Variants in CAMTA1 observed in about 807,000 individuals in gnomAD.
CAMTA1 encodes calmodulin-binding transcription activator 1.
In CAMTA1, 27 loss-of-function variants were observed where a neutral mutation model predicts 170.9. That is an observed-to-expected ratio of 0.16 (90% CI 0.12 to 0.22). The LOEUF is 0.22. CAMTA1 is among the 10% of genes least tolerant of loss of function. The probability of loss-of-function intolerance (pLI) is 1.00; values close to 1 mark genes in which losing one functional copy is unlikely to be tolerated. For missense variants in CAMTA1, 1,619 were observed against 2,217.2 expected (o/e 0.73, Z 5.42); for synonymous variants, 833 against 891.5 (o/e 0.93, Z 1.17).
intron 3 of CAMTA1, among the ~76,000 whole-genome samples, chr1:6,861,303 T>G (rs1019749235): frequency 6.6e-6 from 1 of 152,216 alleles, no homozygotes; most frequent in African/African-American, 2.4e-5. Flanking sequence ...ACATCTCTGT[T>G]ACTGGTTTCA....
At position 7,664,270 on chromosome 1, in the gene CAMTA1, C is replaced by G; in HGVS notation, c.1723C>G (p.Leu575Val). ...GSSLLPSGGG[L>V]SPSTTLEQMD... ...CAGCCTCCTGCCGTCGGGCGGCGGC[C>G]TGAGTCCCAGCACCACCCTGGAGCA... The change falls in exon 9 of 23, where the codon CTG becomes GTG. Residue 575 changes from leucine to valine, a missense_variant. By Grantham distance (32) the Leu-to-Val change is conservative. This residue lies in a region of CAMTA1 where 731 missense variants were observed against 907.6 expected (regional missense o/e 0.81). Coordinates refer to ENST00000303635, the MANE Select transcript of CAMTA1 (RefSeq NM_015215.4). 6.2e-7 allele frequency: 1 copy of G among 1,612,748 alleles called. No homozygotes were observed. The highest frequency in any genetic ancestry group is 8.5e-7 in the Non-Finnish European group (1 of 1,179,896).
At chr1:7,552,928 A>G (rs1374609454) in intron 6 of CAMTA1, among the ~76,000 whole-genome samples, 3 of 152,220 alleles carry the variant, frequency 2.0e-5, no homozygotes, top group African/African-American at 4.8e-5. Context: ...CATGTTAAGC[A>G]GTAGCTGAGT....
chr1:7,394,830 TG>T (rs2089123868), intron 5 of CAMTA1, among the ~76,000 whole-genome samples: 1 of 151,298 alleles, frequency 6.6e-6, no homozygotes, highest in South Asian at 2.1e-4. Flanking sequence ...TGTGTGTGTG[TG>T]TGTGTGTGTG....
chr1:6,820,214 A>T lies in CAMTA1; in HGVS notation c.79A>T (p.Thr27Ser), dbSNP rs755882984. 6.2e-7 allele frequency: 1 copy of T among 1,612,562 alleles called. No homozygotes were observed. The highest frequency in any genetic ancestry group is 1.1e-5 in the South Asian group (1 of 91,034). ...CCAAAGTGTATTCTGCGGAACTAGC[A>T]CCTACTGTGTTCTCAACACCGTGCC... ...VSQSVFCGTS[T>S]YCVLNTVPPI... is the part of the protein sequence containing the mutation. Residue 27 changes from threonine to serine, a missense_variant, in exon 2 of 23, where the codon ACC becomes TCC. By Grantham distance (58) the Thr-to-Ser change is moderately conservative. Transcript: ENST00000303635.
chr1:7,377,044 A>G (rs1474226118), intron 5 of CAMTA1, among the ~76,000 whole-genome samples: 1 of 152,174 alleles, frequency 6.6e-6, no homozygotes, highest in Non-Finnish European at 1.5e-5. Flanking sequence ...TCCACTCTAC[A>G]TTAATTTAAT....
chr1:7,506,621 A>G (rs949209075), intron 6 of CAMTA1, among the ~76,000 whole-genome samples: 4 of 151,310 alleles, frequency 2.6e-5, no homozygotes, highest in Admixed American at 6.6e-5. Context: ...CTCTCATACT[A>G]ATGTTCAACA....
At chr1:7,347,915 C>T (rs1014851419) in intron 5 of CAMTA1, among the ~76,000 whole-genome samples, 7 of 152,218 alleles carry the variant, frequency 4.6e-5, no homozygotes, top group African/African-American at 1.7e-4. Context: ...GACTGTATTT[C>T]CAAATCAGGT....
At chr1:7,352,685 A>G (rs2084778101) in intron 5 of CAMTA1, among the ~76,000 whole-genome samples, 1 of 152,166 alleles carries the variant, frequency 6.6e-6, no homozygotes, top group African/African-American at 2.4e-5. Context: ...CTCCTGCATA[A>G]GCCTCTGTGA....
At chr1:7,083,592 C>CT (rs1010627314) in intron 3 of CAMTA1, among the ~76,000 whole-genome samples, 4 of 152,190 alleles carry the variant, frequency 2.6e-5, no homozygotes, top group African/African-American at 9.7e-5. Flanking sequence ...GGCCCGTCGG[C>CT]TTCATGCACA....
chr1:7,040,957 C>T (rs1409651351), intron 3 of CAMTA1, among the ~76,000 whole-genome samples: 1 of 152,156 alleles, frequency 6.6e-6, no homozygotes, highest in African/African-American at 2.4e-5. Flanking sequence ...CTCTTGACCT[C>T]ATGATCTGCC....
intron 5 of CAMTA1, among the ~76,000 whole-genome samples, chr1:7,334,340 C>T (rs1469731905): frequency 6.6e-6 from 1 of 152,204 alleles, no homozygotes; most frequent in Non-Finnish European, 1.5e-5. Flanking sequence ...TCCTTGGCAA[C>T]ATTTTCGGGA....
intron 3 of CAMTA1, among the ~76,000 whole-genome samples, chr1:6,837,055 G>C (rs2148654015): frequency 6.6e-6 from 1 of 151,608 alleles, no homozygotes; most frequent in Middle Eastern, 3.4e-3. Context: ...CCGGGTTCAT[G>C]CCATTCTCCT....
At chr1:7,707,650 C>G (rs1438151888) in intron 11 of CAMTA1, among the ~76,000 whole-genome samples, 2 of 152,068 alleles carry the variant, frequency 1.3e-5, no homozygotes, top group Non-Finnish European at 2.9e-5. Context: ...GTGCTGAGAT[C>G]ACAGGCGTGA....
At chr1:7,604,609 T>C (rs988467528) in intron 6 of CAMTA1, among the ~76,000 whole-genome samples, 7 of 152,198 alleles carry the variant, frequency 4.6e-5, no homozygotes, top group Non-Finnish European at 8.8e-5. Context: ...TTTTAACTTC[T>C]TTGCCATGGG....
At position 7,234,736 on chromosome 1, in the gene CAMTA1, G is replaced by A. The variant is rs1663484952; in HGVS notation, c.303-14755G>A. 6.6e-6 allele frequency among the ~76,000 whole-genome samples: 1 copy of A among 151,454 alleles called. No individual in the cohort carries two copies. Among genetic ancestry groups the A allele is most frequent in the Non-Finnish European group, 1.5e-5 (1 of 67,938 alleles). ...TCAGGGACCTCCAGAGACAATTTAT[G>A]TGAACAAACTGTGGCTTAACGATCT... is the stretch of plus-strand genomic sequence containing the variant. On this transcript the variant is annotated intron_variant, in intron 4 of 22. Transcript: ENST00000303635. This position sits in a 1 kb window ranked among gnomAD's most constrained non-coding sequence, Gnocchi z 5.0.
At chr1:7,658,700 T>G (rs555444210) in intron 7 of CAMTA1, among the ~76,000 whole-genome samples, 1 of 152,338 alleles carries the variant, frequency 6.6e-6, no homozygotes, top group African/African-American at 2.4e-5. Flanking sequence ...TCATCTTGCC[T>G]CCACCAGGTC....
Position 7,443,765 on chromosome 1 carries a change from TC to T in CAMTA1, c.439-24062del, listed in dbSNP as rs1010299033. ...GGGAGAAGTGGGGCTCCAGAGAGGG[TC>T]CCTCAGGTCTCTGCACCCTCTTTTC... On this transcript the variant is annotated intron_variant, in intron 5 of 22. Transcript: ENST00000303635. The surrounding 1 kb of genome is among the most constrained non-coding windows in gnomAD (Gnocchi z 4.1). Among the ~76,000 whole-genome samples, 2 of 151,824 alleles carry T rather than the reference TC, an allele frequency of 1.3e-5. No homozygotes were observed. The highest frequency in any genetic ancestry group is 4.8e-5 in the African/African-American group (2 of 41,266).
At chr1:7,418,066 C>T (rs1450660133) in intron 5 of CAMTA1, among the ~76,000 whole-genome samples, 2 of 151,642 alleles carry the variant, frequency 1.3e-5, no homozygotes, top group Non-Finnish European at 2.9e-5. Context: ...GCCCCCTTCT[C>T]TTGGTTTCCA....
At chr1:6,993,573 G>T (rs1169863171) in intron 3 of CAMTA1, among the ~76,000 whole-genome samples, 1 of 152,118 alleles carries the variant, frequency 6.6e-6, no homozygotes, top group Non-Finnish European at 1.5e-5. Flanking sequence ...GCACAATTAT[G>T]ATTGTAATGC....
Sources: gnomAD v4.1 joint callset for allele counts (sites outside exome capture counted in the v4.1 genomes callset) on GRCh38, gnomAD v4.1.1 for gene constraint, gnomAD v4.1.1 regional missense constraint, Gnocchi (gnomAD v3.1) non-coding constraint, MANE v1.5 for transcripts, NCBI Gene and HGNC (gene_info 2026-07-23, HGNC 2026-07-21) for gene names.